Variants in TSC1 observed in about 807,000 individuals in gnomAD.
TSC1 encodes hamartin.
In TSC1, 20 loss-of-function variants were observed where a neutral mutation model predicts 124.3. The ratio of observed to expected loss-of-function variants is 0.16; its 90% confidence interval spans 0.11 to 0.23. The LOEUF is 0.23. Among genes scored for constraint, TSC1 ranks in the 10% least tolerant of loss-of-function variants. The probability of loss-of-function intolerance (pLI) is 1.00; values close to 1 mark genes in which losing one functional copy is unlikely to be tolerated. For missense variants in TSC1, 1,124 were observed against 1,448.5 expected (o/e 0.78, Z 3.64); for synonymous variants, 493 against 539.1 (o/e 0.91, Z 1.19).
At position 132,896,180 on chromosome 9, in the gene TSC1, C is replaced by T. The variant is rs980204011; in HGVS notation, c.*55G>A. ...AGGAAAGCTTTGAAACGTGCATTCA[C>T]ACCTCCTGTTCTGTGCCAACAATAT... On this transcript the variant is annotated 3_prime_UTR_variant, in exon 23 of 23. Coordinates refer to ENST00000298552, the MANE Select transcript of TSC1 (RefSeq NM_000368.5). This position sits in a 1 kb window ranked among gnomAD's most constrained non-coding sequence, Gnocchi z 4.5. The T allele has an allele frequency of 1.2e-5, 19 of 1,611,894 alleles. No homozygotes were observed. The East Asian group carries it at 3.1e-4, about 26-fold the overall frequency.
At chr9:132,932,687 C>T (rs1847263672) in intron 2 of TSC1, among the ~76,000 whole-genome samples, 1 of 152,180 alleles carries the variant, frequency 6.6e-6, no homozygotes, top group Non-Finnish European at 1.5e-5. Flanking sequence ...CATTCCTCTG[C>T]TCTAGTCCCA....
intron 6 of TSC1, among the ~76,000 whole-genome samples, chr9:132,922,440 T>C (rs1470880755): frequency 6.6e-6 from 1 of 152,222 alleles, no homozygotes; most frequent in Non-Finnish European, 1.5e-5. Context: ...ACTCAATATT[T>C]ACAGAATGAA....
chr9:132,923,772 C>T lies in TSC1; in HGVS notation c.364-280G>A, dbSNP rs1846699117. On this transcript the variant is annotated intron_variant, in intron 5 of 22. Transcript: ENST00000298552. This position sits in a 1 kb window ranked among gnomAD's most constrained non-coding sequence, Gnocchi z 4.2. ...GACGAGTTCAAACTTGACTTGGGGA[C>T]ACCCAAGTCCTGCAGCCTTAGGATG... The T allele has an allele frequency of 4.6e-6, 2 of 434,192 alleles. No individual in the cohort carries two copies. Among genetic ancestry groups the T allele is most frequent in the South Asian group, 4.8e-5 (2 of 41,278 alleles). 26.9% of individuals were successfully genotyped at this position (434,192 alleles called of 1,614,324 possible).
chr9:132,901,490 A>G (rs1014578466), intron 19 of TSC1, 99 bp downstream of exon 19: 1 of 1,127,992 alleles, frequency 8.9e-7, no homozygotes, highest in South Asian at 1.2e-5. Context: ...GGAACCCATG[A>G]CACAGACACT....
At chr9:132,929,020 G>T in intron 2 of TSC1, 68 bp from the exon 3 acceptor site, 1 of 1,405,098 alleles carries the variant, frequency 7.1e-7, no homozygotes, top group Non-Finnish European at 9.6e-7. Flanking sequence ...GAAAATACCT[G>T]CAAGACAAAC....
chr9:132,928,987 C>T, intron 2 of TSC1, 35 bp from the exon 3 acceptor site: 1 of 1,523,420 alleles, frequency 6.6e-7, no homozygotes, highest in Non-Finnish European at 8.8e-7. Context: ...CACTAAATGG[C>T]CCCATTTTTC....
At chr9:132,925,489 C>G in intron 5 of TSC1, 98 bp downstream of exon 5, 1 of 1,505,302 alleles carries the variant, frequency 6.6e-7, no homozygotes, top group Non-Finnish European at 9.2e-7. Flanking sequence ...GTTTTAAACT[C>G]TAAAAGTTAA....
At position 132,891,883 on chromosome 9, in the gene TSC1, G is replaced by C; in HGVS notation, c.*4352C>G. 4.3e-6 allele frequency: 1 copy of C among 233,676 alleles called. No homozygotes were observed. The highest frequency in any genetic ancestry group is 8.5e-6 in the Non-Finnish European group (1 of 118,024). 14.5% of individuals were successfully genotyped at this position (233,676 alleles called of 1,614,324 possible). On this transcript the variant is annotated 3_prime_UTR_variant, in exon 23 of 23. Transcript: ENST00000298552. The stretch of plus-strand genomic sequence containing the variant: ...GTAAGAGGTGGGGAAAGGGAGGGAA[G>C]GGTTGGTCTGGGGGTTCTCAGACTC...
chr9:132,927,441 G>C (rs917754015), intron 3 of TSC1, 137 bp from the exon 4 acceptor site: 1 of 766,036 alleles, frequency 1.3e-6, no homozygotes, highest in African/African-American at 1.8e-5. Context: ...TTACAGTTCT[G>C]CCTTCTTAAT....
intron 12 of TSC1, among the ~76,000 whole-genome samples, chr9:132,909,494 G>T (rs185235492): frequency 1.3e-5 from 2 of 152,230 alleles, no homozygotes; most frequent in Admixed American, 1.3e-4. Context: ...ACTGTCAGTT[G>T]TTTATCTTGA....
rs928263762 is a variant in TSC1, at chr9:132,892,699, T to C, written c.*3536A>G. The stretch of plus-strand genomic sequence containing the variant: ...AACTTTTGTTTGCTCTTCGGTTCTT[T>C]CCTTCTTCAAGTGGTATGCTCTACT... On this transcript the variant is annotated 3_prime_UTR_variant, in exon 23 of 23. Transcript: ENST00000298552. 8 of 233,340 alleles carry C rather than the reference T, an allele frequency of 3.4e-5. No homozygotes were observed. The highest frequency in any genetic ancestry group is 1.5e-4 in the African/African-American group (7 of 45,482). 14.5% of individuals were successfully genotyped at this position (233,340 alleles called of 1,614,324 possible).
At chr9:132,900,645 T>C (rs1040468776) in intron 20 of TSC1, 70 bp downstream of exon 20, 12 of 1,608,728 alleles carry the variant, frequency 7.5e-6, no homozygotes, top group Admixed American at 6.7e-5. Context: ...CTCTATGCCA[T>C]GCGGGAGACA....
intron 12 of TSC1, 69 bp downstream of exon 12, chr9:132,910,502 T>G: frequency 6.2e-7 from 1 of 1,613,172 alleles, no homozygotes; most frequent in Non-Finnish European, 8.5e-7. Context: ...TAATTAGGCT[T>G]CTCAAAGTGA....
intron 16 of TSC1, among the ~76,000 whole-genome samples, chr9:132,904,166 G>A (rs910105320): frequency 2.0e-5 from 3 of 152,142 alleles, no homozygotes; most frequent in Non-Finnish European, 4.4e-5. Context: ...TCTTCTCCAG[G>A]GAAGCCTGGC....
At chr9:132,910,301 CAAAAAA>C (rs10712193) in intron 12 of TSC1, 182 of 478,360 alleles carry the variant, frequency 3.8e-4, no homozygotes, top group Middle Eastern at 5.3e-4. Flanking sequence ...ACCCTGTCTC[CAAAAAA>C]AAAAAAAAAA....
Position 132,928,903 on chromosome 9 carries a change from AG to A in TSC1, c.-32del. 6.2e-7 allele frequency: 1 copy of A among 1,613,412 alleles called. No homozygotes were observed. Among genetic ancestry groups the A allele is most frequent in the Admixed American group, 1.7e-5 (1 of 60,004 alleles). On this transcript the variant is annotated 5_prime_UTR_variant, in exon 3 of 23. Transcript: ENST00000298552. ...CGCTCGAAGGCGCTGTGCTGGCTCC[AG>A]GACGTGTGCTACAGGTTCTGAAGGT...
intron 1 of TSC1, among the ~76,000 whole-genome samples, chr9:132,936,318 T>C (rs2132410756): frequency 6.6e-6 from 1 of 152,252 alleles, no homozygotes; most frequent in Non-Finnish European, 1.5e-5. Flanking sequence ...GGTCTCACTA[T>C]GTTGCCCAGG....
intron 8 of TSC1, among the ~76,000 whole-genome samples, chr9:132,918,891 A>G (rs929370702): frequency 6.6e-6 from 1 of 152,282 alleles, no homozygotes; most frequent in Non-Finnish European, 1.5e-5. Flanking sequence ...AGATTTAAAA[A>G]GAATAACACA....
At position 132,896,151 on chromosome 9, in the gene TSC1, A is replaced by C; in HGVS notation, c.*84T>G. 6.3e-7 allele frequency: 1 copy of C among 1,596,100 alleles called. No homozygotes were observed. The highest frequency in any genetic ancestry group is 8.6e-7 in the Non-Finnish European group (1 of 1,167,766). On this transcript the variant is annotated 3_prime_UTR_variant, in exon 23 of 23. Transcript: ENST00000298552. The surrounding 1 kb of genome is among the most constrained non-coding windows in gnomAD (Gnocchi z 4.5). ...ACATGAACTTGCACTCAGACCCTGG[A>C]AACAGGAAAGCTTTGAAACGTGCAT...
Sources: allele counts gnomAD v4.1 joint callset (sites outside exome capture counted in the v4.1 genomes callset), GRCh38; gene constraint gnomAD v4.1.1; non-coding constraint Gnocchi (gnomAD v3.1); transcripts MANE v1.5; gene names NCBI Gene and HGNC (gene_info 2026-07-23, HGNC 2026-07-21).